Variants in CADM2 observed in about 807,000 individuals in gnomAD.
CADM2 encodes immunoglobulin superfamily member 4D.
In CADM2, 12 loss-of-function variants were observed where a neutral mutation model predicts 49.8. The observed-to-expected ratio is 0.24, with a 90% CI of 0.15 to 0.39. CADM2 has a LOEUF of 0.39. CADM2 is among the 10% of genes least tolerant of loss of function. The probability of loss-of-function intolerance (pLI) is 1.00; values close to 1 mark genes in which losing one functional copy is unlikely to be tolerated. For missense variants in CADM2, 378 were observed against 492.3 expected, an observed-to-expected ratio of 0.77 and a Z score of 2.20; for synonymous variants, 214 against 175.4, an observed-to-expected ratio of 1.22 and a Z score of -1.74.
chr3:85,448,642 C>T (rs940535722), intron 1 of CADM2, among the ~76,000 whole-genome samples: 1 of 152,132 alleles, frequency 6.6e-6, no homozygotes, highest in East Asian at 1.9e-4. Flanking sequence ...GCAACATAAT[C>T]ATTTCTAAGT....
intron 1 of CADM2, among the ~76,000 whole-genome samples, chr3:85,288,942 A>T (rs2043705984): frequency 6.6e-6 from 1 of 152,278 alleles, no homozygotes; most frequent in South Asian, 2.1e-4. Flanking sequence ...CTTGAGATAA[A>T]TACACACTGT....
In CADM2 at chr3:86,053,462, T is replaced by C. The variant is rs372294926; in HGVS notation, c.971-12143T>C. Among the ~76,000 whole-genome samples the C allele has an allele frequency of 3.0e-3, 463 of 152,288 alleles. 2 individuals carry two copies. Among genetic ancestry groups the C allele is most frequent in the African/African-American group, 0.011 (453 of 41,574 alleles). ...TGATGTTTGGTCTTTGACTATTTTC[T>C]TCCAATGTCTTCGTGGAATAGTTTC... On this transcript the variant is annotated intron_variant, in intron 8 of 9. Transcript: ENST00000383699.
chr3:86,017,713 A>G (rs894836180), intron 8 of CADM2, among the ~76,000 whole-genome samples: 1 of 150,554 alleles, frequency 6.6e-6, no homozygotes, highest in Non-Finnish European at 1.5e-5. Flanking sequence ...GGGCGACACC[A>G]GGAGACCCTG....
At chr3:85,232,151 A>G (rs1576174369) in intron 1 of CADM2, among the ~76,000 whole-genome samples, 1 of 149,988 alleles carries the variant, frequency 6.7e-6, no homozygotes, top group East Asian at 2.0e-4. Context: ...TATTATTATT[A>G]TTATTATTAT....
chr3:85,931,231 G>A (rs1720547015), intron 6 of CADM2, among the ~76,000 whole-genome samples: 1 of 151,864 alleles, frequency 6.6e-6, no homozygotes, highest in Non-Finnish European at 1.5e-5. Flanking sequence ...AAAGAAAGAA[G>A]AAAGAAAGTA....
intron 1 of CADM2, among the ~76,000 whole-genome samples, chr3:85,231,710 T>C (rs2042293451): frequency 6.7e-6 from 1 of 149,332 alleles, no homozygotes. Context: ...TTCCTTTCTT[T>C]TTTTTTTTTT....
intron 7 of CADM2, among the ~76,000 whole-genome samples, chr3:85,960,378 A>G (rs978284042): frequency 1.3e-5 from 2 of 151,934 alleles, no homozygotes; most frequent in Admixed American, 6.6e-5. Flanking sequence ...TGAGAAAATG[A>G]TTCCATGTGA....
intron 1 of CADM2, among the ~76,000 whole-genome samples, chr3:85,248,455 T>C (rs1368658445): frequency 6.6e-6 from 1 of 152,144 alleles, no homozygotes; most frequent in East Asian, 1.9e-4. Context: ...GTTGTATTTT[T>C]ACTAAAGAAG....
At chr3:85,610,428 A>G (rs1469311340) in intron 1 of CADM2, among the ~76,000 whole-genome samples, 5 of 151,996 alleles carry the variant, frequency 3.3e-5, no homozygotes, top group East Asian at 1.9e-4. Context: ...TAGAGTCACT[A>G]GACAGTTGAT....
chr3:85,875,819 A>T (rs1398682756), intron 3 of CADM2, among the ~76,000 whole-genome samples: 1 of 152,180 alleles, frequency 6.6e-6, no homozygotes, highest in African/African-American at 2.4e-5. Context: ...TTAAAGAACA[A>T]AGTTAGAAAC....
At chr3:85,900,229 G>C (rs1046234294) in intron 5 of CADM2, among the ~76,000 whole-genome samples, 1 of 152,114 alleles carries the variant, frequency 6.6e-6, no homozygotes, top group African/African-American at 2.4e-5. Flanking sequence ...ATCTAGACTA[G>C]AAGGAGTAGT....
At chr3:85,093,826 G>C (rs2037692993) in intron 1 of CADM2, among the ~76,000 whole-genome samples, 1 of 152,038 alleles carries the variant, frequency 6.6e-6, no homozygotes. Context: ...TTTGCTTGGG[G>C]AGGATAAGTG....
chr3:85,950,685 A>T (rs560811843), intron 7 of CADM2, among the ~76,000 whole-genome samples: 2 of 151,170 alleles, frequency 1.3e-5, no homozygotes, highest in African/African-American at 4.8e-5. Context: ...TTAAAAAATC[A>T]GAATCAAGTA....
Position 85,121,273 on chromosome 3 carries a change from T to A in CADM2, c.61+161605T>A, listed in dbSNP as rs181310717. The stretch of plus-strand genomic sequence containing the variant: ...TGAGCAAAGTATAACTTTGGTTATA[T>A]GCTGCCGGTTTTTCATTAATAGTTA... On this transcript the variant is annotated intron_variant, in intron 1 of 9. Transcript: ENST00000383699. Among the ~76,000 whole-genome samples the A allele has an allele frequency of 3.3e-4, 51 of 152,348 alleles. 1 individual carries two copies. In the East Asian group the frequency reaches 8.7e-3, roughly 26 times the overall value.
chr3:85,453,693 C>A (rs2037856875), intron 1 of CADM2, among the ~76,000 whole-genome samples: 2 of 151,906 alleles, frequency 1.3e-5, no homozygotes, highest in South Asian at 4.2e-4. Context: ...TACATCATCA[C>A]TTACCTAAAA....
At chr3:85,226,667 T>C (rs1227931393) in intron 1 of CADM2, among the ~76,000 whole-genome samples, 1 of 152,120 alleles carries the variant, frequency 6.6e-6, no homozygotes, top group African/African-American at 2.4e-5. Flanking sequence ...TGCCTTCTGC[T>C]AGCTTTTGAA....
chr3:85,799,844 C>T (rs9837525), intron 2 of CADM2: 22,224 of 153,012 alleles, frequency 0.15, 2,045 homozygotes, highest in Non-Finnish European at 0.2. Context: ...GGTGTCTCCA[C>T]CTCAGGAGGC....
chr3:85,946,697 A>G (rs1383783371), intron 7 of CADM2, among the ~76,000 whole-genome samples: 2 of 152,102 alleles, frequency 1.3e-5, no homozygotes, highest in East Asian at 1.9e-4. Flanking sequence ...CAATGGGGAA[A>G]GGATTCCCTA....
intron 1 of CADM2, among the ~76,000 whole-genome samples, chr3:85,653,827 A>C (rs1393111052): frequency 6.6e-6 from 1 of 152,234 alleles, no homozygotes; most frequent in Non-Finnish European, 1.5e-5. Flanking sequence ...TAATCCAGCA[A>C]ACAGGGAAAA....
Sources: gnomAD v4.1 joint callset for allele counts (sites outside exome capture counted in the v4.1 genomes callset) on GRCh38, gnomAD v4.1.1 for gene constraint, MANE v1.5 for transcripts, NCBI Gene and HGNC (gene_info 2026-07-23, HGNC 2026-07-21) for gene names.